Variants in DOCK1 observed in about 807,000 individuals in gnomAD.
DOCK1 encodes the protein dedicator of cytokinesis 1, also known as dedicator of cytokinesis protein 1.
In DOCK1, 138 loss-of-function variants were observed where a neutral mutation model predicts 262.7. The ratio of observed to expected loss-of-function variants is 0.53; its 90% CI spans 0.46 to 0.61. The LOEUF (loss-of-function observed/expected upper bound fraction) is 0.61, where lower values mean the gene tolerates loss of function less well. Ranked by LOEUF, DOCK1 falls within the 20% of genes least tolerant of loss-of-function variation. The probability of loss-of-function intolerance (pLI) is 0.00; values close to 1 mark genes in which losing one functional copy is unlikely to be tolerated. For missense variants in DOCK1, 1,908 were observed against 2,370.7 expected (o/e 0.80, Z 4.05); for synonymous variants, 866 against 867.4 (o/e 1.00, Z 0.03).
rs1179413774 is a variant in DOCK1 at position 126,995,523 on chromosome 10, C to T, written c.474-1225C>T. Among the ~76,000 whole-genome samples, 1 of 152,178 alleles carries T rather than the reference C, an allele frequency of 6.6e-6. No homozygotes were observed. Among genetic ancestry groups the T allele is most frequent in the African/African-American group, 2.4e-5 (1 of 41,452 alleles). On this transcript the variant is annotated intron_variant, in intron 6 of 51. Coordinates refer to ENST00000623213, the MANE Select transcript of DOCK1 (RefSeq NM_001290223.2). The surrounding 1 kb of genome is among the most constrained non-coding windows in gnomAD (Gnocchi z 5.8). ...GGTGTGGCGGCGCGCGCCTGCAATC[C>T]CAGGCACTCCGCAGGCTGAGGCAGG...
intron 29 of DOCK1, among the ~76,000 whole-genome samples, chr10:127,260,029 C>T (rs1282914599): frequency 6.6e-6 from 1 of 152,100 alleles, no homozygotes; most frequent in Non-Finnish European, 1.5e-5. Context: ...CTGGGATATT[C>T]TGTTGTTTCT....
chr10:127,154,017 C>A, intron 27 of DOCK1: 1 of 830,556 alleles, frequency 1.2e-6, no homozygotes, highest in South Asian at 1.4e-5. Flanking sequence ...TTCCCAATGC[C>A]AAGCTCATCA....
chr10:127,028,707 G>T (rs1166068342), intron 16 of DOCK1, among the ~76,000 whole-genome samples: 1 of 152,208 alleles, frequency 6.6e-6, no homozygotes, highest in Non-Finnish European at 1.5e-5. Flanking sequence ...TGAGGTTTGA[G>T]ATTAGTTTGC....
At chr10:127,076,241 C>T (rs1163760596) in intron 23 of DOCK1, among the ~76,000 whole-genome samples, 16 of 152,202 alleles carry the variant, frequency 1.1e-4, no homozygotes, top group Non-Finnish European at 2.9e-5. Context: ...GTGGCTCGTG[C>T]CTGTAATCCC....
chr10:126,998,534 G>T, intron 8 of DOCK1: 1 of 284,070 alleles, frequency 3.5e-6, no homozygotes, highest in African/African-American at 2.1e-5. Context: ...GAAGATTGAA[G>T]TAATACTTTG....
intron 23 of DOCK1, among the ~76,000 whole-genome samples, chr10:127,078,609 G>T (rs2046710505): frequency 6.6e-6 from 1 of 152,118 alleles, no homozygotes; most frequent in South Asian, 2.1e-4. Flanking sequence ...CTACCCAGAG[G>T]AAAAGAAGTC....
chr10:127,348,349 G>A (rs1311948905), intron 31 of DOCK1, among the ~76,000 whole-genome samples: 1 of 152,086 alleles, frequency 6.6e-6, no homozygotes, highest in Non-Finnish European at 1.5e-5. Context: ...TGTCTAAAAT[G>A]TAAAAGGAAT....
At chr10:127,319,113 G>T (rs1441987561) in intron 29 of DOCK1, among the ~76,000 whole-genome samples, 1 of 152,218 alleles carries the variant, frequency 6.6e-6, no homozygotes, top group Non-Finnish European at 1.5e-5. Context: ...AAAAGAAAAC[G>T]AAGAAATCAG....
chr10:127,377,906 AAAAG>A (rs2065601432), intron 35 of DOCK1, among the ~76,000 whole-genome samples: 2 of 151,686 alleles, frequency 1.3e-5, no homozygotes, highest in African/African-American at 4.8e-5. Flanking sequence ...AAAAAAAAAA[AAAAG>A]AAGAAAGAAA....
chr10:126,921,155 G>A lies in DOCK1; in HGVS notation c.46+15592G>A, dbSNP rs191085139. On this transcript the variant is annotated intron_variant, in intron 1 of 51. Coordinates refer to ENST00000623213, the MANE Select transcript of DOCK1 (RefSeq NM_001290223.2). ...GCAGAGGTTGCAGTGAGCCGAGGTC[G>A]CACCATTGCACTCCAGTCTGAGCAG... Among the ~76,000 whole-genome samples, 278 of 146,186 alleles carry A rather than the reference G, an allele frequency of 1.9e-3. 1 individual carries two copies. Among genetic ancestry groups the A allele is most frequent in the African/African-American group, 6.4e-3 (251 of 38,940 alleles).
At chr10:127,431,681 C>A (rs1203851231) in intron 47 of DOCK1, among the ~76,000 whole-genome samples, 1 of 152,206 alleles carries the variant, frequency 6.6e-6, no homozygotes, top group Admixed American at 6.5e-5. Flanking sequence ...AACTGTGGCC[C>A]CTGGCGTGGT....
intron 27 of DOCK1, among the ~76,000 whole-genome samples, chr10:127,237,229 G>A (rs1032497579): frequency 7.4e-4 from 113 of 151,836 alleles, no homozygotes; most frequent in African/African-American, 2.2e-3. Context: ...GTATGGTGAC[G>A]GGTGCCTGTA....
At chr10:127,008,826 T>C (rs185863599) in intron 11 of DOCK1, 22 bp downstream of exon 11, 208 of 1,572,956 alleles carry the variant, frequency 1.3e-4, no homozygotes, top group Admixed American at 2.9e-4. Flanking sequence ...GCAATTCAAG[T>C]ACTTAGCCAG....
chr10:127,343,265 G>A (rs915140509), intron 30 of DOCK1, among the ~76,000 whole-genome samples: 3 of 152,228 alleles, frequency 2.0e-5, no homozygotes, highest in Non-Finnish European at 4.4e-5. Flanking sequence ...AGCTAACATT[G>A]ATGAAGTGCT....
At chr10:127,195,063 C>G (rs1380477976) in intron 27 of DOCK1, among the ~76,000 whole-genome samples, 1 of 152,244 alleles carries the variant, frequency 6.6e-6, no homozygotes, top group Non-Finnish European at 1.5e-5. Flanking sequence ...TCCTCCCCCA[C>G]TCCTGGCATC....
intron 27 of DOCK1, among the ~76,000 whole-genome samples, chr10:127,131,528 G>C (rs1265962510): frequency 1.3e-5 from 2 of 152,208 alleles, no homozygotes; most frequent in Non-Finnish European, 2.9e-5. Context: ...GAGTTGTTTA[G>C]TGGGACCTTG....
chr10:126,932,054 A>T (rs1202509008), intron 1 of DOCK1, among the ~76,000 whole-genome samples: 1 of 152,148 alleles, frequency 6.6e-6, no homozygotes, highest in Non-Finnish European at 1.5e-5. Context: ...GACTCCTGAG[A>T]TGCTACGTAT....
At chr10:127,322,526 C>T (rs1427196404) in intron 29 of DOCK1, among the ~76,000 whole-genome samples, 1 of 120,502 alleles carries the variant, frequency 8.3e-6, no homozygotes, top group Non-Finnish European at 1.7e-5. Context: ...GGTTGACAAG[C>T]TGTAACTGAT....
intron 27 of DOCK1, among the ~76,000 whole-genome samples, chr10:127,232,410 T>C (rs1179472784): frequency 1.3e-5 from 2 of 152,094 alleles, no homozygotes; most frequent in Non-Finnish European, 2.9e-5. Context: ...GCTGGAGCAA[T>C]GTGAGCAACA....
Sources: allele counts gnomAD v4.1 joint callset (sites outside exome capture counted in the v4.1 genomes callset), GRCh38; gene constraint gnomAD v4.1.1; non-coding constraint Gnocchi (gnomAD v3.1); transcripts MANE v1.5; gene names NCBI Gene and HGNC (gene_info 2026-07-23, HGNC 2026-07-21).